POM121: variants seen among roughly 807,000 people sequenced by gnomAD.
POM121 encodes the protein nuclear envelope pore membrane protein POM 121.
In POM121, 32 loss-of-function variants were observed where a neutral mutation model predicts 81.3. The ratio of observed to expected loss-of-function variants is 0.39; its 90% CI spans 0.30 to 0.53. The LOEUF (loss-of-function observed/expected upper bound fraction) is 0.53, where lower values mean the gene tolerates loss of function less well. POM121 is among the 20% of genes least tolerant of loss of function. POM121 has a pLI of 0.66. For missense variants in POM121, 1,138 were observed against 1,614.6 expected (o/e 0.70, Z 5.06); for synonymous variants, 514 against 694.2 (o/e 0.74, Z 4.08).
rs560513151 is a variant in POM121, at chr7:72,901,358, A to ATT, written c.-216+10261_-216+10262dup. ...TCCTGAGTAGCTAGGACTCAGGCTA[A>ATT]TTTTTTTTTTTTTTGAGACAGAGTC... On this transcript the variant is annotated intron_variant, in intron 3 of 15. Transcript: ENST00000395270. 5.8e-5 allele frequency among the ~76,000 whole-genome samples: 8 copies of ATT among 138,264 alleles called. 1 individual carries two copies. In the South Asian group the frequency reaches 1.9e-3, roughly 32 times the overall value. 90.7% of individuals were successfully genotyped at this position (138,264 alleles called of 152,430 possible).
rs1298639597 is a variant in POM121 at position 72,939,370 on chromosome 7, A to G, written c.1402A>G (p.Thr468Ala). 4 of 1,613,776 alleles carry G rather than the reference A, an allele frequency of 2.5e-6. No individual in the cohort carries two copies. Among genetic ancestry groups the G allele is most frequent in the Non-Finnish European group, 3.4e-6 (4 of 1,179,824 alleles). The change falls in exon 7 of 13, where the codon ACT (threonine) becomes GCT (alanine). Residue 468 changes from threonine to alanine, a missense_variant. This residue lies in a region of POM121 where 646 missense variants were observed against 633.5 expected (regional missense o/e 1.02). Coordinates refer to ENST00000434423, the MANE Select transcript of POM121 (RefSeq NM_001387691.1). ...GCTGTGTCATCATTCCAGTTCTTCAACTCCATTGGCAGCAGACAGGGAGTC... is the reference window on the plus strand; with the variant it reads ...GCTGTGTCATCATTCCAGTTCTTCAGCTCCATTGGCAGCAGACAGGGAGTC... ...EELCHHSSSS[T>A]PLAADRESQG...
At chr7:72,914,131 C>T (rs1191748863) in intron 4 of POM121, among the ~76,000 whole-genome samples, 4 of 152,188 alleles carry the variant, frequency 2.6e-5, no homozygotes, top group South Asian at 2.1e-4. Context: ...AGTAAGCTGC[C>T]GGACTGTGAT....
intron 3 of POM121, among the ~76,000 whole-genome samples, chr7:72,897,832 G>T (rs1345328171): frequency 6.6e-6 from 1 of 152,130 alleles, no homozygotes; most frequent in African/African-American, 2.4e-5. Flanking sequence ...GCTAGCCTGG[G>T]AAACATAGCA....
Position 72,925,169 on chromosome 7 carries a change from C to G in POM121, c.48C>G (p.Pro16=). ...AAAGAGERRR[P]IASVRDGRGR... is the part of the protein sequence containing the mutation. The stretch of plus-strand genomic sequence containing the variant: ...CTGGAGCAGGCGAGCGGCGGCGGCC[C>G]ATAGCGAGTGTCAGGGACGGCCGGG... Residue 16 remains proline (P), a synonymous_variant, in exon 1 of 13, where the codon CCC becomes CCG. Transcript: ENST00000434423. 6.7e-7 allele frequency: 1 copy of G among 1,503,200 alleles called. No individual in the cohort carries two copies. The highest frequency in any genetic ancestry group is 8.8e-7 in the Non-Finnish European group (1 of 1,134,106). The allele number at this position is 1,503,200 out of a possible 1,614,324, so 93.1% of individuals were successfully genotyped here.
chr7:72,893,083 G>A (rs1287339943), intron 3 of POM121, among the ~76,000 whole-genome samples: 7 of 151,894 alleles, frequency 4.6e-5, no homozygotes, highest in African/African-American at 1.2e-4. Context: ...TCAGCCTCCC[G>A]AGTAGCTGAG....
At chr7:72,905,902 A>G (rs1305376063) in intron 3 of POM121, among the ~76,000 whole-genome samples, 1 of 151,972 alleles carries the variant, frequency 6.6e-6, no homozygotes, top group Non-Finnish European at 1.5e-5. Context: ...AAGCTTCCGT[A>G]TATCCTGTTT....
At chr7:72,903,023 G>C (rs1415594348) in intron 3 of POM121, among the ~76,000 whole-genome samples, 1 of 152,092 alleles carries the variant, frequency 6.6e-6, no homozygotes, top group Non-Finnish European at 1.5e-5. Context: ...TTTTGTGAAT[G>C]GGCTGTACTC....
intron 3 of POM121, among the ~76,000 whole-genome samples, chr7:72,912,920 C>T (rs1188183796): frequency 2.6e-5 from 4 of 152,096 alleles, no homozygotes; most frequent in Non-Finnish European, 4.4e-5. Flanking sequence ...ACAGCCATGT[C>T]GAAATTGTGT....
At chr7:72,895,178 A>G (rs782315411) in intron 3 of POM121, among the ~76,000 whole-genome samples, 3 of 152,042 alleles carry the variant, frequency 2.0e-5, no homozygotes, top group African/African-American at 4.8e-5. Flanking sequence ...ACACCATCTC[A>G]ATGACCAGGG....
chr7:72,920,561 A>C (rs74428076), upstream of POM121, among the ~76,000 whole-genome samples: 5 of 151,836 alleles, frequency 3.3e-5, 1 homozygote, highest in South Asian at 4.2e-4. Flanking sequence ...TCACCATGTT[A>C]GCCAGGATGG....
chr7:72,895,154 C>A (rs1259975508), intron 3 of POM121, among the ~76,000 whole-genome samples: 2 of 152,172 alleles, frequency 1.3e-5, no homozygotes, highest in Non-Finnish European at 2.9e-5. Context: ...ACTTGGAGCA[C>A]TTCTTGCTCT....
exon 3 of POM121, chr7:72,891,088 A>C (rs1272179112): frequency 4.5e-5 from 51 of 1,134,618 alleles, no homozygotes; most frequent in Non-Finnish European, 6.3e-5. Context: ...CGGGAGGTGA[A>C]TTTCCATGTC....
chr7:72,926,434 G>C lies in POM121; in HGVS notation c.817G>C (p.Val273Leu), dbSNP rs191407821. Residue 273 changes from valine to leucine, a missense_variant, in exon 2 of 13, where the codon GTG becomes CTG. By Grantham distance (32) the Val-to-Leu change is conservative (BLOSUM62 1). This residue lies in a region of POM121 where 646 missense variants were observed against 633.5 expected (regional missense o/e 1.02). Coordinates refer to ENST00000434423, the MANE Select transcript of POM121 (RefSeq NM_001387691.1). ...CAGGATGGTGTGTAGCCCAGTGACTGTGAGGATCGCCCCTCCTGACAGAAG... is the reference window on the plus strand; with the variant it reads ...CAGGATGGTGTGTAGCCCAGTGACTCTGAGGATCGCCCCTCCTGACAGAAG... The part of the protein sequence containing the change: ...NSRMVCSPVT[V>L]RIAPPDRRFS... The C allele has an allele frequency of 2.5e-6, 4 of 1,613,898 alleles. No individual in the cohort carries two copies. Among genetic ancestry groups the C allele is most frequent in the Non-Finnish European group, 3.4e-6 (4 of 1,179,886 alleles).
upstream of POM121, among the ~76,000 whole-genome samples, chr7:72,924,194 C>T (rs1336383175): frequency 2.6e-5 from 4 of 151,906 alleles, no homozygotes; most frequent in Non-Finnish European, 5.9e-5. Flanking sequence ...GATCCGCCCA[C>T]CCCGGCCTCC....
chr7:72,908,567 C>T (rs1169718652), intron 3 of POM121, among the ~76,000 whole-genome samples: 11 of 152,090 alleles, frequency 7.2e-5, no homozygotes, highest in Admixed American at 3.9e-4. Flanking sequence ...ATTTATTAGG[C>T]GGGAATTTCC....
In POM121 at chr7:72,880,921, G is replaced by C. The variant is rs1250177123; in HGVS notation, c.-521+1036G>C. Reference sequence around the variant, plus strand: ...CCACAAAAAACATGAGCCGTATAATGGGAATTTTTTTTTCTTTTTGCACCT... The same window carrying C: ...CCACAAAAAACATGAGCCGTATAATCGGAATTTTTTTTTCTTTTTGCACCT... On this transcript the variant is annotated intron_variant, in intron 1 of 15. Coordinates refer to the POM121 transcript ENST00000395270. Among the ~76,000 whole-genome samples the C allele has an allele frequency of 2.9e-4, 4 of 13,750 alleles. No homozygotes were observed. In the African/African-American group the frequency reaches 3.9e-3, roughly 13 times the overall value. The allele number at this position is 13,750 out of a possible 152,430, so 9.0% of individuals were successfully genotyped here. A position where few individuals can be genotyped will look rare whatever the true frequency, so the allele number is the denominator to read the frequency against.
At chr7:72,927,073 GTA>G in intron 3 of POM121, 110 bp downstream of exon 3, 1 of 1,544,010 alleles carries the variant, frequency 6.5e-7, no homozygotes, top group Non-Finnish European at 8.9e-7. Context: ...ATGAGCCTTC[GTA>G]GGCCCCCTTC....
chr7:72,926,566 A>ACT, intron 2 of POM121, 89 bp downstream of exon 2: 2 of 1,580,762 alleles, frequency 1.3e-6, no homozygotes, highest in Non-Finnish European at 1.7e-6. Context: ...ACAACGCAGA[A>ACT]AAGAAAGGAC....
intron 11 of POM121, among the ~76,000 whole-genome samples, chr7:72,945,207 T>C (rs1260287898): frequency 3.9e-5 from 6 of 152,080 alleles, no homozygotes; most frequent in Non-Finnish European, 8.8e-5. Flanking sequence ...CAAACCAGGC[T>C]TCAGAGGGGA....
Sources: gnomAD v4.1 joint callset for allele counts (sites outside exome capture counted in the v4.1 genomes callset) on GRCh38, gnomAD v4.1.1 for gene constraint, gnomAD v4.1.1 regional missense constraint, MANE v1.5 for transcripts, NCBI Gene and HGNC (gene_info 2026-07-23, HGNC 2026-07-21) for gene names.